CPSF6: variants seen among roughly 807,000 people sequenced by gnomAD.
CPSF6 encodes cleavage and polyadenylation specificity factor subunit 6.
CPSF6 carries 10 observed loss-of-function variants against 56.7 expected under a neutral mutation model. That is an observed-to-expected ratio of 0.18 (90% CI 0.11 to 0.30). The LOEUF is 0.30. CPSF6 is among the 10% of genes least tolerant of loss of function. The probability of loss-of-function intolerance (pLI) is 1.00; values close to 1 mark genes in which losing one functional copy is unlikely to be tolerated. For synonymous variants in CPSF6, 248 were observed against 244.8 expected, an observed-to-expected ratio of 1.01 and a Z score of -0.12; for missense variants, 419 against 722.9, an observed-to-expected ratio of 0.58 and a Z score of 4.82.
In CPSF6 at chr12:69,261,308, T is replaced by G. The variant is rs865833312; in HGVS notation, c.1470-1065T>G. 7.2e-5 allele frequency among the ~76,000 whole-genome samples: 11 copies of G among 152,212 alleles called. No homozygotes were observed. The South Asian group carries it at 1.2e-3, about 17-fold the overall frequency. On this transcript the variant is annotated intron_variant, in intron 8 of 9. Transcript: ENST00000435070. ...GTTTTGAAGTCCAAAGTAATAATTT[T>G]TTAATCCCAACACTTTGGGAGACCA...
intron 7 of CPSF6, 37 bp downstream of exon 7, chr12:69,259,580 G>A: frequency 6.4e-7 from 1 of 1,555,216 alleles, no homozygotes; most frequent in South Asian, 1.2e-5. Flanking sequence ...TCTTATTTAT[G>A]TTATTAGGAA....
At chr12:69,252,541 A>G (rs1295068659) in intron 2 of CPSF6, among the ~76,000 whole-genome samples, 1 of 152,184 alleles carries the variant, frequency 6.6e-6, no homozygotes, top group African/African-American at 2.4e-5. Flanking sequence ...TAAAGAGTTA[A>G]AGCTCTTTAA....
Position 69,271,306 on chromosome 12 carries a change from TC to T in CPSF6, c.*1799del. ...GTTTTCTGTATATTGTTGTGTCATT[TC>T]TTGGCTTTTTAATATTTTGACTACA... On this transcript the variant is annotated 3_prime_UTR_variant, in exon 10 of 10. Transcript: ENST00000435070. The T allele has an allele frequency of 6.6e-6, 1 of 152,156 alleles. No homozygotes were observed. The highest frequency in any genetic ancestry group is 1.9e-4 in the East Asian group (1 of 5,200). The allele number at this position is 152,156 out of a possible 1,614,324, so 9.4% of individuals were successfully genotyped here. A position where few individuals can be genotyped will look rare whatever the true frequency, so the allele number is the denominator to read the frequency against.
intron 9 of CPSF6, among the ~76,000 whole-genome samples, chr12:69,263,605 A>G (rs1872844422): frequency 6.6e-6 from 1 of 152,108 alleles, no homozygotes. Context: ...GATTATTTTC[A>G]GTAATCATGG....
In CPSF6 at chr12:69,271,479, TTGAAA is replaced by T. The variant is rs1231018381; in HGVS notation, c.*1977_*1981del. The T allele has an allele frequency of 2.0e-5, 3 of 151,820 alleles. No homozygotes were observed. The highest frequency in any genetic ancestry group is 4.1e-4 in the South Asian group (2 of 4,834). The allele number at this position is 151,820 out of a possible 1,614,324, so 9.4% of individuals were successfully genotyped here. On this transcript the variant is annotated 3_prime_UTR_variant, in exon 10 of 10. Transcript: ENST00000435070. Reference sequence around the variant, plus strand: ...TGGAATCACAAAAATCTAACTGCACTTGAAATGAAACTGGAAATTTTATACTAATT... The same window carrying T: ...TGGAATCACAAAAATCTAACTGCACTTGAAACTGGAAATTTTATACTAATT...
intron 9 of CPSF6, among the ~76,000 whole-genome samples, chr12:69,265,946 T>C (rs1400357552): frequency 6.6e-6 from 1 of 151,778 alleles, no homozygotes; most frequent in Non-Finnish European, 1.5e-5. Flanking sequence ...ATCATGATCT[T>C]AGGATCTTAG....
At chr12:69,247,259 T>C (rs1871959007) in intron 1 of CPSF6, among the ~76,000 whole-genome samples, 1 of 152,194 alleles carries the variant, frequency 6.6e-6, no homozygotes, top group African/African-American at 2.4e-5. Flanking sequence ...GCAACAGATA[T>C]TTGTATATCA....
Position 69,258,253 on chromosome 12 carries a change from A to G in CPSF6, c.695-337A>G, listed in dbSNP as rs1872591736. 1.4e-6 allele frequency: 1 copy of G among 719,804 alleles called. No individual in the cohort carries two copies. Among genetic ancestry groups the G allele is most frequent in the Non-Finnish European group, 2.3e-6 (1 of 442,546 alleles). 44.6% of individuals were successfully genotyped at this position (719,804 alleles called of 1,614,324 possible). The stretch of plus-strand genomic sequence containing the variant: ...TTTCAAGATCATTTTTCCTTGTTTC[A>G]CTTTCTAGCTTGGCATCAGAGTAGA... On this transcript the variant is annotated intron_variant, in intron 5 of 9. Transcript: ENST00000435070. The surrounding 1 kb of genome is among the most constrained non-coding windows in gnomAD (Gnocchi z 4.2).
intron 7 of CPSF6, among the ~76,000 whole-genome samples, chr12:69,259,797 A>G (rs979267402): frequency 6.6e-6 from 1 of 152,222 alleles, no homozygotes; most frequent in African/African-American, 2.4e-5. Flanking sequence ...GGGCCTCATG[A>G]CACCTTATTT....
intron 1 of CPSF6, among the ~76,000 whole-genome samples, chr12:69,244,841 C>T (rs1871809555): frequency 6.6e-6 from 1 of 152,166 alleles, no homozygotes; most frequent in Admixed American, 6.5e-5. Context: ...GATGCATGGG[C>T]TGTCATCTCC....
At chr12:69,240,544 A>G (rs1402113373) in intron 1 of CPSF6, among the ~76,000 whole-genome samples, 1 of 152,180 alleles carries the variant, frequency 6.6e-6, no homozygotes, top group Non-Finnish European at 1.5e-5. Context: ...CGATGGTTGG[A>G]TGGAACAAAA....
chr12:69,244,023 T>G (rs2120423474), intron 1 of CPSF6, among the ~76,000 whole-genome samples: 1 of 152,120 alleles, frequency 6.6e-6, no homozygotes, highest in East Asian at 1.9e-4. Flanking sequence ...TTTGTAGGGA[T>G]GAGGTCCCAG....
At chr12:69,262,292 G>T in intron 8 of CPSF6, 81 bp from the exon 9 acceptor site, 1 of 1,427,908 alleles carries the variant, frequency 7.0e-7, no homozygotes, top group Non-Finnish European at 9.2e-7. Flanking sequence ...TGCTGCCTAA[G>T]TTTTTTTAGA....
At chr12:69,242,828 C>T (rs1277280047) in intron 1 of CPSF6, among the ~76,000 whole-genome samples, 1 of 152,016 alleles carries the variant, frequency 6.6e-6, no homozygotes, top group African/African-American at 2.4e-5. Context: ...AATTGTTTAG[C>T]GCGAGTGTGG....
Position 69,269,829 on chromosome 12 carries a change from C to T in CPSF6, c.*321C>T, listed in dbSNP as rs1873159540. On this transcript the variant is annotated 3_prime_UTR_variant, in exon 10 of 10. Coordinates refer to ENST00000435070, the MANE Select transcript of CPSF6 (RefSeq NM_007007.3). ...AATTGGAAAAAAAGTCAAGTAAATG[C>T]TTGTTTTTGTAGTAGTTTGTTCTTG... 1.1e-5 allele frequency: 2 copies of T among 184,644 alleles called. No homozygotes were observed. Among genetic ancestry groups the T allele is most frequent in the Admixed American group, 6.3e-5 (1 of 15,904 alleles). The allele number at this position is 184,644 out of a possible 1,614,324, so 11.4% of individuals were successfully genotyped here. A position where few individuals can be genotyped will look rare whatever the true frequency, so the allele number is the denominator to read the frequency against.
chr12:69,259,498 A>G lies in CPSF6; in HGVS notation c.1270A>G (p.Ile424Val), dbSNP rs781357681. The G allele has an allele frequency of 3.2e-5, 52 of 1,613,786 alleles. No individual in the cohort carries two copies. Among genetic ancestry groups the G allele is most frequent in the Non-Finnish European group, 3.6e-5 (42 of 1,179,884 alleles). The stretch of plus-strand genomic sequence containing the variant: ...AGAAATCATGAATAGAAATAGGGCA[A>G]TCTCAAGCAGTGCTATTTCGAGAGC... ...FEEIMNRNRA[I>V]SSSAISRAVS... The change falls in exon 7 of 10, where the codon ATC becomes GTC. Residue 424 changes from isoleucine to valine, a missense_variant. Ile to Val is a conservative substitution (Grantham distance 29). Transcript: ENST00000435070.
At chr12:69,247,204 A>G (rs772525285) in intron 1 of CPSF6, among the ~76,000 whole-genome samples, 2 of 152,160 alleles carry the variant, frequency 1.3e-5, no homozygotes, top group Non-Finnish European at 2.9e-5. Context: ...CTTTAAGGGA[A>G]CTAATAGGAT....
intron 8 of CPSF6, 47 bp downstream of exon 8, chr12:69,260,244 C>A: frequency 1.4e-6 from 2 of 1,393,000 alleles, no homozygotes; most frequent in Admixed American, 2.7e-5. Flanking sequence ...TGTTAGTTTA[C>A]AAATGGAAAA....
chr12:69,251,796 G>A (rs1305918384), intron 2 of CPSF6, among the ~76,000 whole-genome samples: 1 of 152,088 alleles, frequency 6.6e-6, no homozygotes, highest in Non-Finnish European at 1.5e-5. Context: ...TTTGAAATCT[G>A]ATTTATAGAA....
Sources: allele counts gnomAD v4.1 joint callset (sites outside exome capture counted in the v4.1 genomes callset), GRCh38; gene constraint gnomAD v4.1.1; non-coding constraint Gnocchi (gnomAD v3.1); transcripts MANE v1.5; gene names NCBI Gene and HGNC (gene_info 2026-07-23, HGNC 2026-07-21).